FGF12: variants seen among roughly 807,000 people sequenced by gnomAD.
FGF12 encodes the protein fibroblast growth factor 12B.
FGF12 carries 14 observed loss-of-function variants against 23.6 expected under a neutral mutation model. That is an observed-to-expected ratio of 0.59 (90% CI 0.39 to 0.93). FGF12 has a LOEUF of 0.93. Ranked by LOEUF, FGF12 falls within the 40% of genes least tolerant of loss-of-function variation. The pLI is 0.00. For missense variants in FGF12, 175 were observed against 217.8 expected, an observed-to-expected ratio of 0.80 and a Z score of 1.24; for synonymous variants, 62 against 77.3, an observed-to-expected ratio of 0.80 and a Z score of 1.04.
At chr3:192,183,920 T>C (rs896183579) in intron 4 of FGF12, among the ~76,000 whole-genome samples, 7 of 152,138 alleles carry the variant, frequency 4.6e-5, no homozygotes, top group African/African-American at 1.7e-4. Context: ...TAAGAATGAT[T>C]AGCTAAAATA....
At chr3:192,305,732 G>T (rs918261074) in intron 4 of FGF12, among the ~76,000 whole-genome samples, 1 of 145,724 alleles carries the variant, frequency 6.9e-6, no homozygotes, top group African/African-American at 2.5e-5. Flanking sequence ...TGTGTGAAAA[G>T]ATCTAGAGTT....
chr3:192,324,075 G>A (rs930255668), intron 4 of FGF12, among the ~76,000 whole-genome samples: 1 of 151,868 alleles, frequency 6.6e-6, no homozygotes, highest in South Asian at 2.1e-4. Flanking sequence ...CTGGGCGACA[G>A]AGCGAGACTG....
chr3:192,441,036 G>A (rs1055562696), intron 2 of FGF12, among the ~76,000 whole-genome samples: 2 of 152,134 alleles, frequency 1.3e-5, no homozygotes, highest in Non-Finnish European at 2.9e-5. Context: ...CCCTAACACT[G>A]TTTTGGGCAC....
At chr3:192,397,740 G>A (rs1278168907) in intron 2 of FGF12, among the ~76,000 whole-genome samples, 5 of 152,122 alleles carry the variant, frequency 3.3e-5, no homozygotes, top group Non-Finnish European at 5.9e-5. Context: ...TAGACAGCTA[G>A]AGCTATTTGG....
chr3:192,328,328 A>G (rs1314976077), intron 4 of FGF12, among the ~76,000 whole-genome samples: 1 of 152,222 alleles, frequency 6.6e-6, no homozygotes, highest in Admixed American at 6.5e-5. Flanking sequence ...GTGGAGTCAG[A>G]GGCTGGGATC....
intron 4 of FGF12, among the ~76,000 whole-genome samples, chr3:192,234,985 T>C (rs541467536): frequency 3.1e-4 from 47 of 152,308 alleles, no homozygotes; most frequent in African/African-American, 1.1e-3. Flanking sequence ...TCATCAAGGA[T>C]ATTAGCCTGA....
chr3:192,394,923 A>T (rs1333128825), intron 2 of FGF12, among the ~76,000 whole-genome samples: 1 of 152,218 alleles, frequency 6.6e-6, no homozygotes, highest in Non-Finnish European at 1.5e-5. Context: ...GTATTTCCCC[A>T]TCACTTAGCG....
intron 4 of FGF12, among the ~76,000 whole-genome samples, chr3:192,246,615 G>A (rs1399331154): frequency 1.3e-5 from 2 of 152,064 alleles, no homozygotes; most frequent in African/African-American, 2.4e-5. Context: ...CCTGAGGTCA[G>A]GAGTTCTAGA....
intron 2 of FGF12, among the ~76,000 whole-genome samples, chr3:192,436,708 T>C (rs974625604): frequency 1.3e-5 from 2 of 152,222 alleles, no homozygotes; most frequent in Non-Finnish European, 2.9e-5. Context: ...TACATGTTTC[T>C]GAGTAGCCTG....
chr3:192,562,880 T>G (rs1712107852), intron 2 of FGF12, among the ~76,000 whole-genome samples: 2 of 152,132 alleles, frequency 1.3e-5, no homozygotes, highest in Non-Finnish European at 1.5e-5. Context: ...ATTCACACTG[T>G]CATTGTTCAT....
At chr3:192,172,727 G>T (rs1715635161) in intron 4 of FGF12, among the ~76,000 whole-genome samples, 1 of 150,892 alleles carries the variant, frequency 6.6e-6, no homozygotes, top group Non-Finnish European at 1.5e-5. Context: ...TGGAAAATAG[G>T]TTGGCAGTGC....
chr3:192,635,934 C>T (rs1247958511), intron 2 of FGF12, among the ~76,000 whole-genome samples: 1 of 152,124 alleles, frequency 6.6e-6, no homozygotes, highest in Non-Finnish European at 1.5e-5. Context: ...TCAAAGTACA[C>T]AATATATGTT....
chr3:192,660,555 T>C (rs13061501), intron 2 of FGF12, among the ~76,000 whole-genome samples: 98,635 of 151,170 alleles, frequency 0.65, 32,876 homozygotes, highest in Middle Eastern at 0.8. Context: ...TAATGTAAAG[T>C]TGTTGAGTGG....
chr3:192,217,800 T>G (rs1285733731), intron 4 of FGF12, among the ~76,000 whole-genome samples: 1 of 152,158 alleles, frequency 6.6e-6, no homozygotes, highest in Non-Finnish European at 1.5e-5. Context: ...TATGACATAC[T>G]AATTAATTCT....
chr3:192,579,518 C>T (rs2108612857), intron 2 of FGF12, among the ~76,000 whole-genome samples: 1 of 152,332 alleles, frequency 6.6e-6, no homozygotes, highest in South Asian at 2.1e-4. Context: ...TCAGGACACA[C>T]AAGCACTGTT....
intron 2 of FGF12, among the ~76,000 whole-genome samples, chr3:192,383,807 G>A (rs1719929096): frequency 6.6e-6 from 1 of 152,122 alleles, no homozygotes; most frequent in African/African-American, 2.4e-5. Flanking sequence ...ATTAGGTTTA[G>A]GATATTTTCA....
intron 2 of FGF12, among the ~76,000 whole-genome samples, chr3:192,642,480 C>T (rs1429089426): frequency 6.6e-6 from 1 of 152,214 alleles, no homozygotes; most frequent in Non-Finnish European, 1.5e-5. Context: ...CAGTCCTTTC[C>T]TGTGCATGGT....
At chr3:192,287,200 A>G (rs1714501530) in intron 4 of FGF12, among the ~76,000 whole-genome samples, 1 of 152,064 alleles carries the variant, frequency 6.6e-6, no homozygotes, top group Admixed American at 6.6e-5. Context: ...ATAATAATTT[A>G]TGAACCATCC....
chr3:192,705,151 A>G lies in FGF12; in HGVS notation c.13+22030T>C, dbSNP rs1718427811. Among the ~76,000 whole-genome samples the G allele has an allele frequency of 3.9e-5, 6 of 152,198 alleles. No homozygotes were observed. In the South Asian group the frequency reaches 1.2e-3, roughly 32 times the overall value. Reference sequence around the variant, plus strand: ...TCTTTCAATAATTTTTCCTTTACATACACCACTTGGCTAACTGTTTAGGGC... The same window carrying G: ...TCTTTCAATAATTTTTCCTTTACATGCACCACTTGGCTAACTGTTTAGGGC... On this transcript the variant is annotated intron_variant, in intron 2 of 5. Transcript: ENST00000445105.
Sources: allele counts gnomAD v4.1 joint callset (sites outside exome capture counted in the v4.1 genomes callset), GRCh38; gene constraint gnomAD v4.1.1; transcripts MANE v1.5; gene names NCBI Gene and HGNC (gene_info 2026-07-23, HGNC 2026-07-21).